Variants in BLTP1 observed in about 807,000 individuals in gnomAD.
BLTP1 encodes the protein bridge-like lipid transfer protein family member 1.
the BLTP1 span, chr4:122,349,753 C>T: frequency 6.5e-6 from 10 of 1,539,018 alleles, no homozygotes; most frequent in Non-Finnish European, 8.7e-6. The surrounding 1 kb of genome is among the most constrained non-coding windows in gnomAD (Gnocchi z 4.5). Flanking sequence ...ATTTATTATG[C>T]AATTAATACA....
chr4:122,247,713 T>C, the BLTP1 span: 2 of 1,032,678 alleles, frequency 1.9e-6, no homozygotes, highest in Non-Finnish European at 2.3e-6. Flanking sequence ...TCATTCTGTT[T>C]GTAAAACAGT....
chr4:122,254,383 G>A, the BLTP1 span: 2 of 1,478,388 alleles, frequency 1.4e-6, no homozygotes, highest in Non-Finnish European at 1.9e-6. Context: ...ATCGCTTGAT[G>A]TTTCTTTATT....
the BLTP1 span, chr4:122,356,080 A>C: frequency 1.1e-6 from 1 of 877,858 alleles, no homozygotes; most frequent in Admixed American, 2.9e-5. Flanking sequence ...TGTAATACTA[A>C]TATCTAATGA....
chr4:122,174,951 T>G, the BLTP1 span: 48 of 705,026 alleles, frequency 6.8e-5, no homozygotes, highest in Non-Finnish European at 8.0e-5. Context: ...TAGTAGTCAT[T>G]CGTTATATAC....
chr4:122,358,524 C>T, the BLTP1 span, among the ~76,000 whole-genome samples: 1 of 152,134 alleles, frequency 6.6e-6, no homozygotes, highest in Non-Finnish European at 1.5e-5. Flanking sequence ...TGCTTAACAG[C>T]ATGTCAGACT....
At chr4:122,331,090 C>T in the BLTP1 span, 2 of 964,636 alleles carry the variant, frequency 2.1e-6, no homozygotes, top group South Asian at 4.8e-5. Context: ...TATTCAGACT[C>T]CTTAAAAGTG....
chr4:122,233,771 T>G, the BLTP1 span, among the ~76,000 whole-genome samples: 5 of 152,204 alleles, frequency 3.3e-5, no homozygotes, highest in Non-Finnish European at 4.4e-5. Flanking sequence ...TCACAACACC[T>G]TGTTTACCTC....
the BLTP1 span, chr4:122,336,831 A>C: frequency 6.5e-7 from 1 of 1,537,622 alleles, no homozygotes; most frequent in East Asian, 2.3e-5. Flanking sequence ...CTTTTAATAA[A>C]TAGTTTGCCT....
chr4:122,338,253 G>T, the BLTP1 span, among the ~76,000 whole-genome samples: 1 of 151,822 alleles, frequency 6.6e-6, no homozygotes, highest in East Asian at 1.9e-4. Context: ...GATCACTTGA[G>T]CCCAGGAGTT....
At chr4:122,291,274 A>C in the BLTP1 span, among the ~76,000 whole-genome samples, 7 of 152,220 alleles carry the variant, frequency 4.6e-5, no homozygotes, top group African/African-American at 1.7e-4. Context: ...AGTGTAAATC[A>C]CATATGATTT....
At chr4:122,354,089 AT>A in the BLTP1 span, 23 of 1,309,730 alleles carry the variant, frequency 1.8e-5, no homozygotes, top group Non-Finnish European at 2.2e-5. Flanking sequence ...TGTGTTTAGA[AT>A]TTAAATGGAG....
chr4:122,224,856 A>C, the BLTP1 span: 1 of 1,507,482 alleles, frequency 6.6e-7, no homozygotes, highest in Non-Finnish European at 8.9e-7. Flanking sequence ...GACAAGTTTG[A>C]CTTTTCTGAG....
the BLTP1 span, among the ~76,000 whole-genome samples, chr4:122,217,840 C>T: frequency 1.3e-5 from 2 of 152,010 alleles, no homozygotes; most frequent in Admixed American, 6.6e-5. Context: ...CCATCTGGTC[C>T]TGGGCTTTTT....
At chr4:122,182,890 C>T in the BLTP1 span, 1 of 985,038 alleles carries the variant, frequency 1.0e-6, no homozygotes. Context: ...AAATAAATAC[C>T]TGTTAAAGAT....
chr4:122,313,356 G>A, the BLTP1 span, among the ~76,000 whole-genome samples: 1 of 152,012 alleles, frequency 6.6e-6, no homozygotes, highest in African/African-American at 2.4e-5. Flanking sequence ...CTCAAATAAG[G>A]AAATCACATG....
At chr4:122,323,286 ATTC>A in the BLTP1 span, among the ~76,000 whole-genome samples, 1 of 152,088 alleles carries the variant, frequency 6.6e-6, no homozygotes, top group Non-Finnish European at 1.5e-5. Flanking sequence ...ACAGCTGTTG[ATTC>A]TTAAGTTTGT....
At chr4:122,263,617 T>C in the BLTP1 span, 1 of 1,527,574 alleles carries the variant, frequency 6.5e-7, no homozygotes, top group South Asian at 1.2e-5. Context: ...AGTTATCACA[T>C]TATTTTGCTT....
At chr4:122,174,709 T>C in the BLTP1 span, 13 of 1,253,308 alleles carry the variant, frequency 1.0e-5, no homozygotes, top group Non-Finnish European at 1.4e-5. Context: ...AAAAATATTG[T>C]TAAAATGTTT....
the BLTP1 span, among the ~76,000 whole-genome samples, chr4:122,195,471 G>A: frequency 1.3e-5 from 2 of 151,106 alleles, no homozygotes; most frequent in African/African-American, 4.9e-5. Context: ...ACTTTCATTA[G>A]TATTTTCTGA....
Sources: gnomAD v4.1 joint callset for allele counts (sites outside exome capture counted in the v4.1 genomes callset) on GRCh38, gnomAD v4.1.1 for gene constraint, Gnocchi (gnomAD v3.1) non-coding constraint, MANE v1.5 for transcripts, NCBI Gene and HGNC (gene_info 2026-07-23, HGNC 2026-07-21) for gene names.